Variants in PRKCH observed in about 807,000 individuals in gnomAD.
PRKCH encodes protein kinase C eta.
In PRKCH, 28 loss-of-function variants were observed where a neutral mutation model predicts 82.5. The observed-to-expected ratio is 0.34, with a 90% CI of 0.25 to 0.47. The LOEUF (loss-of-function observed/expected upper bound fraction) is 0.47. Ranked by LOEUF, PRKCH falls within the 20% of genes least tolerant of loss-of-function variation. The pLI, the probability that PRKCH is intolerant of heterozygous loss-of-function variation, is 1.00. For missense variants in PRKCH, 705 were observed against 881.8 expected (o/e 0.80, Z 2.54); for synonymous variants, 322 against 327.4 (o/e 0.98, Z 0.18).
chr14:61,292,810 G>A (rs970210985), intron 1 of PRKCH, among the ~76,000 whole-genome samples: 1 of 140,136 alleles, frequency 7.1e-6, no homozygotes, highest in African/African-American at 2.6e-5. Context: ...GCTGGGTGTT[G>A]TGGCTTGCAC....
intron 1 of PRKCH, among the ~76,000 whole-genome samples, chr14:61,223,841 C>T (rs923581194): frequency 2.0e-5 from 3 of 152,328 alleles, no homozygotes; most frequent in East Asian, 3.9e-4. Flanking sequence ...CCATAAACAG[C>T]ACCTTGTGAG....
intron 12 of PRKCH, among the ~76,000 whole-genome samples, chr14:61,534,121 A>G (rs1294223611): frequency 6.6e-6 from 1 of 152,232 alleles, no homozygotes; most frequent in Non-Finnish European, 1.5e-5. Flanking sequence ...ACTGCTGATG[A>G]GGATGTAAAA....
chr14:61,453,512 TTTTTC>T (rs1425781742), intron 7 of PRKCH, among the ~76,000 whole-genome samples, 159 bp downstream of exon 7: 1 of 151,708 alleles, frequency 6.6e-6, no homozygotes, highest in Non-Finnish European at 1.5e-5. Context: ...CTTTCTTTCT[TTTTTC>T]TTTTCTTTCT....
At chr14:61,491,350 A>T (rs527874477) in intron 10 of PRKCH, among the ~76,000 whole-genome samples, 7 of 152,264 alleles carry the variant, frequency 4.6e-5, no homozygotes, top group African/African-American at 1.4e-4. Flanking sequence ...GACTACTACA[A>T]ATTGTCATTT....
chr14:61,212,913 C>G (rs940351314), intron 1 of PRKCH, among the ~76,000 whole-genome samples: 1 of 152,216 alleles, frequency 6.6e-6, no homozygotes, highest in Non-Finnish European at 1.5e-5. Flanking sequence ...GAGAATCACC[C>G]TCATGCACAC....
chr14:61,432,286 A>G (rs1339243429), intron 2 of PRKCH, among the ~76,000 whole-genome samples: 2 of 151,812 alleles, frequency 1.3e-5, no homozygotes, highest in Non-Finnish European at 2.9e-5. Flanking sequence ...GTTATTAGTT[A>G]TTCCATCCTT....
intron 1 of PRKCH, among the ~76,000 whole-genome samples, chr14:61,223,480 A>G (rs530874780): frequency 3.3e-4 from 50 of 152,330 alleles, no homozygotes; most frequent in African/African-American, 1.2e-3. Context: ...CACTGCCTGC[A>G]ACCCACAACC....
intron 2 of PRKCH, among the ~76,000 whole-genome samples, chr14:61,427,376 G>A (rs1883160729): frequency 6.6e-6 from 1 of 152,082 alleles, no homozygotes; most frequent in African/African-American, 2.4e-5. Context: ...GATGGCAAAT[G>A]TTTCCTATAT....
intron 10 of PRKCH, among the ~76,000 whole-genome samples, chr14:61,507,762 G>T (rs2139966169): frequency 6.6e-6 from 1 of 152,058 alleles, no homozygotes; most frequent in East Asian, 1.9e-4. Flanking sequence ...GGTTGCCAAG[G>T]GTGGTTGGGG....
chr14:61,496,711 C>A (rs1215114796), intron 10 of PRKCH, among the ~76,000 whole-genome samples: 2 of 152,188 alleles, frequency 1.3e-5, no homozygotes, highest in African/African-American at 4.8e-5. Context: ...AGGACAATGA[C>A]AGGAGAGTTA....
At chr14:61,278,260 T>C (rs992340273) in intron 1 of PRKCH, 66 of 152,356 alleles carry the variant, frequency 4.3e-4, no homozygotes, top group African/African-American at 1.5e-3. Context: ...TATATACATA[T>C]AATGATCATG....
At chr14:61,428,104 T>C (rs968417654) in intron 2 of PRKCH, among the ~76,000 whole-genome samples, 5 of 89,116 alleles carry the variant, frequency 5.6e-5, no homozygotes, top group African/African-American at 2.1e-4. Context: ...CACATATATA[T>C]ATACACACAT....
chr14:61,529,300 C>G (rs17098729), intron 11 of PRKCH, 87 bp downstream of exon 11: 188,732 of 1,469,712 alleles, frequency 0.13, 12,671 homozygotes, highest in African/African-American at 0.18. Flanking sequence ...TTATGCACTG[C>G]AGCTTTGGAG....
chr14:61,458,325 A>G (rs1195186516), intron 9 of PRKCH, among the ~76,000 whole-genome samples: 1 of 152,242 alleles, frequency 6.6e-6, no homozygotes, highest in African/African-American at 2.4e-5. Flanking sequence ...CATTAGTACA[A>G]ACTTTTTACT....
intron 2 of PRKCH, among the ~76,000 whole-genome samples, chr14:61,412,487 T>C (rs2882830): frequency 0.57 from 87,339 of 152,018 alleles, 27,712 homozygotes; most frequent in Non-Finnish European, 0.72. Context: ...CTCCTACTTA[T>C]CTTCTCAGTG....
intron 10 of PRKCH, among the ~76,000 whole-genome samples, chr14:61,518,037 A>C (rs1023699582): frequency 2.0e-5 from 3 of 152,342 alleles, no homozygotes; most frequent in African/African-American, 7.2e-5. Context: ...GGTCAGCTGC[A>C]CTTGGCTGTC....
intron 1 of PRKCH, chr14:61,305,920 T>C (rs1340576340): frequency 6.6e-6 from 1 of 152,232 alleles, no homozygotes; most frequent in Non-Finnish European, 1.5e-5. Flanking sequence ...TGAATATTGT[T>C]ATAAAGGAGT....
intron 2 of PRKCH, among the ~76,000 whole-genome samples, chr14:61,402,283 A>G (rs1430689222): frequency 6.6e-6 from 1 of 152,248 alleles, no homozygotes; most frequent in Admixed American, 6.5e-5. Flanking sequence ...ATATTAATTT[A>G]AAGTATGAAA....
At chr14:61,378,320 C>T (rs2046452384) in intron 1 of PRKCH, among the ~76,000 whole-genome samples, 1 of 151,582 alleles carries the variant, frequency 6.6e-6, no homozygotes, top group African/African-American at 2.4e-5. Context: ...TCAGGTGATC[C>T]TCCTGTTTCA....
Sources: allele counts gnomAD v4.1 joint callset (sites outside exome capture counted in the v4.1 genomes callset), GRCh38; gene constraint gnomAD v4.1.1; transcripts MANE v1.5; gene names NCBI Gene and HGNC (gene_info 2026-07-23, HGNC 2026-07-21).